RFC3: variants seen among roughly 807,000 people sequenced by gnomAD.
The protein encoded by RFC3 is A1 38 kDa subunit.
Under a neutral mutation model 45.1 loss-of-function variants are expected in RFC3, and 41 were observed. The observed-to-expected ratio is 0.91, with a 90% CI of 0.71 to 1.18. RFC3 has a LOEUF of 1.18. Ranked by LOEUF, RFC3 falls within the 50% of genes most tolerant of loss-of-function variation. The pLI, the probability that RFC3 is intolerant of heterozygous loss-of-function variation, is 0.00. For synonymous variants in RFC3, 149 were observed against 144.0 expected (o/e 1.03, Z -0.25); for missense variants, 423 against 428.1 (o/e 0.99, Z 0.10).
intron 8 of RFC3, among the ~76,000 whole-genome samples, chr13:33,890,375 C>T (rs1216892711): frequency 6.6e-6 from 1 of 152,110 alleles, no homozygotes; most frequent in African/African-American, 2.4e-5. Flanking sequence ...CATTACTACC[C>T]TATATGGGTA....
At chr13:33,948,598 A>T (rs2082969144) in intron 8 of RFC3, among the ~76,000 whole-genome samples, 1 of 152,064 alleles carries the variant, frequency 6.6e-6, no homozygotes, top group South Asian at 2.1e-4. Context: ...AGCCTCAGAC[A>T]CTCAATGCCA....
In RFC3 at chr13:33,888,829, T is replaced by C. The variant is rs200683689; in HGVS notation, c.879+53612T>C. On this transcript the variant is annotated intron_variant, in intron 8 of 8. Coordinates refer to the RFC3 transcript ENST00000434425. ...GGCACAAACTCAGCTCACTGCAATG[T>C]CCACCTCCCAGGTTCACGCCATTCT... 6.6e-5 allele frequency among the ~76,000 whole-genome samples: 10 copies of C among 151,866 alleles called. No homozygotes were observed. The East Asian group carries it at 1.9e-3, about 29-fold the overall frequency.
chr13:33,861,129 A>T (rs1460624732), intron 8 of RFC3, among the ~76,000 whole-genome samples: 1 of 152,194 alleles, frequency 6.6e-6, no homozygotes, highest in Non-Finnish European at 1.5e-5. Context: ...GAAATATACT[A>T]GTTAAAGCTT....
intron 8 of RFC3, among the ~76,000 whole-genome samples, chr13:33,893,965 AAAAC>A (rs537869143): frequency 1.1e-3 from 162 of 152,114 alleles, no homozygotes; most frequent in African/African-American, 3.3e-3. Context: ...TGAAAGGAAA[AAAAC>A]AAACAAACAA....
intron 8 of RFC3, among the ~76,000 whole-genome samples, chr13:33,958,769 A>G (rs984405922): frequency 5.3e-5 from 8 of 152,134 alleles, no homozygotes; most frequent in African/African-American, 1.9e-4. Context: ...TTACTTGCAG[A>G]GATGAATACC....
intron 8 of RFC3, among the ~76,000 whole-genome samples, chr13:33,856,183 C>G (rs1335436993): frequency 2.0e-5 from 3 of 152,112 alleles, no homozygotes; most frequent in Non-Finnish European, 4.4e-5. Flanking sequence ...ATGTCCTTTG[C>G]AGCAACACAG....
intron 8 of RFC3, chr13:33,849,203 ACAG>A (rs1177027058): frequency 1.3e-5 from 2 of 152,230 alleles, no homozygotes; most frequent in African/African-American, 4.8e-5. Context: ...GGCAAACTAA[ACAG>A]TATATGCAAG....
chr13:33,877,630 T>C (rs2082456978), intron 8 of RFC3, among the ~76,000 whole-genome samples: 1 of 151,452 alleles, frequency 6.6e-6, no homozygotes, highest in African/African-American at 2.4e-5. Context: ...GCTTTTATTA[T>C]GTTATTACAT....
At chr13:33,833,698 A>G (rs2082124524) in intron 7 of RFC3, among the ~76,000 whole-genome samples, 1 of 152,166 alleles carries the variant, frequency 6.6e-6, no homozygotes, top group Non-Finnish European at 1.5e-5. Context: ...CATATATTAA[A>G]ATAATTTCAT....
At chr13:33,876,745 T>TA (rs1282797713) in intron 8 of RFC3, among the ~76,000 whole-genome samples, 2 of 152,228 alleles carry the variant, frequency 1.3e-5, no homozygotes, top group African/African-American at 4.8e-5. Context: ...TGGAATCTAC[T>TA]CTTGGGTTTG....
intron 8 of RFC3, among the ~76,000 whole-genome samples, chr13:33,893,351 C>A (rs909671199): frequency 9.2e-5 from 14 of 152,068 alleles, no homozygotes; most frequent in East Asian, 1.9e-4. Flanking sequence ...AAGGAGGCAA[C>A]AACCTAGCAC....
rs549300656 is a variant in RFC3 at position 33,942,908 on chromosome 13, C to G, written c.880-23179C>G. The stretch of plus-strand genomic sequence containing the variant: ...GTTGGCCTGTTCCAATGACATGAAA[C>G]CTTGACTGCTAAGGTGCCATAAAGC... On this transcript the variant is annotated intron_variant, in intron 8 of 8. Coordinates refer to the RFC3 transcript ENST00000434425. Among the ~76,000 whole-genome samples the G allele has an allele frequency of 5.3e-5, 8 of 152,220 alleles. No individual in the cohort carries two copies. In the East Asian group the frequency reaches 1.5e-3, roughly 29 times the overall value.
At chr13:33,958,710 G>A (rs757136192) in intron 8 of RFC3, among the ~76,000 whole-genome samples, 31 of 152,336 alleles carry the variant, frequency 2.0e-4, no homozygotes, top group Admixed American at 6.5e-4. Context: ...AGCTCTGAAT[G>A]TCAAGTATGT....
intron 8 of RFC3, among the ~76,000 whole-genome samples, chr13:33,868,348 G>A (rs58620571): frequency 6.6e-6 from 1 of 152,046 alleles, no homozygotes; most frequent in Non-Finnish European, 1.5e-5. Context: ...GGGAAACTAA[G>A]GCTGATTCAC....
At chr13:33,936,507 G>A (rs1393246442) in intron 8 of RFC3, among the ~76,000 whole-genome samples, 1 of 152,150 alleles carries the variant, frequency 6.6e-6, no homozygotes, top group Non-Finnish European at 1.5e-5. Flanking sequence ...AGGCTATTAG[G>A]ATAGGACCTA....
At chr13:33,826,884 G>C (rs2082054695) in intron 4 of RFC3, among the ~76,000 whole-genome samples, 1 of 152,104 alleles carries the variant, frequency 6.6e-6, no homozygotes. Flanking sequence ...AGAGATAGCA[G>C]ATGTCCATGT....
chr13:33,881,251 A>C (rs2082481669), intron 8 of RFC3, among the ~76,000 whole-genome samples: 1 of 152,206 alleles, frequency 6.6e-6, no homozygotes, highest in African/African-American at 2.4e-5. Context: ...GATCAACCAA[A>C]GCTACTCCCT....
chr13:33,838,761 T>C (rs1322279091), downstream of RFC3, among the ~76,000 whole-genome samples: 1 of 152,190 alleles, frequency 6.6e-6, no homozygotes, highest in Non-Finnish European at 1.5e-5. Flanking sequence ...CTTTTTCTCC[T>C]GTGTACTGTT....
chr13:33,956,417 G>C (rs1364853619), intron 8 of RFC3, among the ~76,000 whole-genome samples: 1 of 152,186 alleles, frequency 6.6e-6, no homozygotes, highest in Non-Finnish European at 1.5e-5. Flanking sequence ...TGTGAATACA[G>C]ATGAACACAG....
Sources: allele counts gnomAD v4.1 joint callset (sites outside exome capture counted in the v4.1 genomes callset), GRCh38; gene constraint gnomAD v4.1.1; transcripts MANE v1.5; gene names NCBI Gene and HGNC (gene_info 2026-07-23, HGNC 2026-07-21).